PSG11: variants seen among roughly 807,000 people sequenced by gnomAD.
PSG11 encodes pregnancy-specific beta-1-glycoprotein 11.
In PSG11, 42 loss-of-function variants were observed where a neutral mutation model predicts 36.0. That is an observed-to-expected ratio of 1.17 (90% CI 0.91 to 1.51). The LOEUF (loss-of-function observed/expected upper bound fraction) is 1.51, where lower values mean the gene tolerates loss of function less well. Ranked by LOEUF, PSG11 falls within the 40% of genes most tolerant of loss-of-function variation. PSG11 has a pLI of 0.00. For missense variants in PSG11, 558 were observed against 403.5 expected (o/e 1.38, Z -3.28); for synonymous variants, 206 against 153.5 (o/e 1.34, Z -2.53).
intron 1 of PSG11, among the ~76,000 whole-genome samples, chr19:43,025,533 C>G (rs1244331058): frequency 1.3e-5 from 2 of 151,120 alleles, no homozygotes; most frequent in Non-Finnish European, 2.9e-5. Context: ...GACTTCCTCC[C>G]CATGGCAGCA....
intron 3 of PSG11, chr19:43,017,711 C>CTAACAA (rs1568489057): frequency 6.6e-6 from 1 of 151,356 alleles, no homozygotes; most frequent in Non-Finnish European, 1.5e-5. Context: ...TATTGTCTTT[C>CTAACAA]TAACAATATT....
chr19:43,023,356 C>T (rs1314170410), intron 2 of PSG11, among the ~76,000 whole-genome samples: 1 of 150,818 alleles, frequency 6.6e-6, no homozygotes, highest in Non-Finnish European at 1.5e-5. Flanking sequence ...TCTCGCTGGG[C>T]CTGTGCTGGT....
chr19:43,023,746 G>A (rs1255100785), intron 2 of PSG11, among the ~76,000 whole-genome samples: 2 of 151,160 alleles, frequency 1.3e-5, no homozygotes, highest in East Asian at 1.9e-4. Context: ...GTGTGACTCT[G>A]ATTCAGTGAC....
chr19:43,014,495 C>T, intron 4 of PSG11: 2 of 976,304 alleles, frequency 2.0e-6, no homozygotes, highest in Non-Finnish European at 2.4e-6. Flanking sequence ...TTCCTTGCAG[C>T]CTGGCCCGGG....
intron 4 of PSG11, chr19:43,014,814 C>G: frequency 7.9e-7 from 1 of 1,257,986 alleles, no homozygotes; most frequent in Non-Finnish European, 1.0e-6. Flanking sequence ...AGAAGCAACT[C>G]GATGTTCAGC....
At chr19:43,011,899 C>T (rs542138803) in intron 4 of PSG11, among the ~76,000 whole-genome samples, 1 of 134,260 alleles carries the variant, frequency 7.4e-6, no homozygotes, top group East Asian at 2.8e-4. Context: ...CTGTCTCTCT[C>T]TCTTAAAAAA....
chr19:43,010,101 G>C (rs374188660), intron 4 of PSG11, 60 bp from the exon 5 acceptor site: 6 of 1,565,416 alleles, frequency 3.8e-6, no homozygotes, highest in Middle Eastern at 1.7e-4. Flanking sequence ...ATGGGGGAGC[G>C]TCAGGAACAA....
chr19:43,023,522 G>A (rs1405871408), intron 2 of PSG11, among the ~76,000 whole-genome samples: 1 of 151,186 alleles, frequency 6.6e-6, no homozygotes, highest in Non-Finnish European at 1.5e-5. Flanking sequence ...GACTTTGATG[G>A]TTGAAGCAGG....
At chr19:43,014,936 A>T in intron 4 of PSG11, 180 bp downstream of exon 4, 1 of 1,477,808 alleles carries the variant, frequency 6.8e-7, no homozygotes, top group Non-Finnish European at 9.0e-7. Flanking sequence ...ATGAGAAAAC[A>T]GAAAAAAAAG....
At chr19:43,013,883 A>G (rs1393238954) in intron 4 of PSG11, among the ~76,000 whole-genome samples, 4 of 151,558 alleles carry the variant, frequency 2.6e-5, no homozygotes, top group Non-Finnish European at 4.4e-5. Flanking sequence ...GTCCATTGAA[A>G]GATAAGTGTG....
chr19:43,018,093 A>C lies in PSG11; in HGVS notation c.709+677T>G, dbSNP rs946780378. ...AGACTTCCCTGGAAAACATAGTGCC[A>C]ATGCTCCAGGGATCCACTTACCAGG... On this transcript the variant is annotated intron_variant, in intron 3 of 5. Transcript: ENST00000320078. Among the ~76,000 whole-genome samples the C allele has an allele frequency of 1.5e-4, 23 of 151,224 alleles. 1 individual carries two copies. Among genetic ancestry groups the C allele is most frequent in the African/African-American group, 5.4e-4 (22 of 40,952 alleles).
intron 4 of PSG11, among the ~76,000 whole-genome samples, chr19:43,012,022 A>T (rs1319789275): frequency 6.6e-6 from 1 of 151,432 alleles, no homozygotes; most frequent in South Asian, 2.1e-4. Flanking sequence ...TGAAATAGAC[A>T]AACTCCTAGA....
chr19:43,025,998 G>T (rs1967244471), intron 1 of PSG11, among the ~76,000 whole-genome samples: 1 of 124,150 alleles, frequency 8.1e-6, no homozygotes, highest in South Asian at 2.7e-4. Context: ...CTGGCGTGCA[G>T]TGGCACTATC....
intron 4 of PSG11, 72 bp from the exon 5 acceptor site, chr19:43,010,113 C>A: frequency 6.4e-7 from 1 of 1,551,092 alleles, no homozygotes. Flanking sequence ...CAGGAACAAG[C>A]ATGTAACATG....
At chr19:43,014,715 T>C in intron 4 of PSG11, 2 of 1,203,118 alleles carry the variant, frequency 1.7e-6, no homozygotes, top group Non-Finnish European at 2.1e-6. Flanking sequence ...AGTGTGAGCT[T>C]GTTTCAAAGC....
At chr19:43,011,715 G>C (rs954956272) in intron 4 of PSG11, among the ~76,000 whole-genome samples, 2 of 150,902 alleles carry the variant, frequency 1.3e-5, no homozygotes, top group Non-Finnish European at 3.0e-5. Context: ...GGGAGATACT[G>C]TCTCTACAAA....
rs1967007365 is a variant in PSG11, at chr19:43,017,993, A to G, written c.709+777T>C. Among the ~76,000 whole-genome samples, 5 of 151,214 alleles carry G rather than the reference A, an allele frequency of 3.3e-5. No individual in the cohort carries two copies. The South Asian group carries it at 8.4e-4, about 25-fold the overall frequency. On this transcript the variant is annotated intron_variant, in intron 3 of 5. Transcript: ENST00000320078. ...ATGCTGGTGGTTTTGGAGCAGAAAC[A>G]TATTCCCTGTCCTGGGTTTTTGATT... is the stretch of plus-strand genomic sequence containing the variant.
chr19:43,015,474 C>G, intron 3 of PSG11, 104 bp from the exon 4 acceptor site: 3 of 1,422,658 alleles, frequency 2.1e-6, no homozygotes, highest in Non-Finnish European at 2.9e-6. Flanking sequence ...GACACACCCT[C>G]AAGTCCCAGC....
At chr19:43,013,168 A>T (rs1974116694) in intron 4 of PSG11, among the ~76,000 whole-genome samples, 4 of 151,186 alleles carry the variant, frequency 2.6e-5, no homozygotes. Context: ...AAACTATACA[A>T]CTCTTAGAAG....
Sources: gnomAD v4.1 joint callset for allele counts (sites outside exome capture counted in the v4.1 genomes callset) on GRCh38, gnomAD v4.1.1 for gene constraint, MANE v1.5 for transcripts, NCBI Gene and HGNC (gene_info 2026-07-23, HGNC 2026-07-21) for gene names.